The following LRRC37A2 variants were observed in gnomAD, a reference collection of about 807,000 sequenced individuals.
LRRC37A2 encodes the protein leucine-rich repeat-containing protein 37A2.
LRRC37A2 carries 9 observed loss-of-function variants against 68.8 expected under a neutral mutation model. That is an observed-to-expected ratio of 0.13 (90% CI 0.08 to 0.23). LRRC37A2 has a LOEUF of 0.23. LRRC37A2 is among the 10% of genes least tolerant of loss of function. LRRC37A2 has a pLI of 1.00. For missense variants in LRRC37A2, 168 were observed against 950.4 expected, an observed-to-expected ratio of 0.18 and a Z score of 10.82; for synonymous variants, 63 against 367.6, an observed-to-expected ratio of 0.17 and a Z score of 9.48.
the LRRC37A2 span, among the ~76,000 whole-genome samples, chr17:46,740,415 G>A: frequency 6.6e-6 from 1 of 152,148 alleles, no homozygotes; most frequent in African/African-American, 2.4e-5. Context: ...AAAAATCACA[G>A]AGGTAAAAAT....
the LRRC37A2 span, among the ~76,000 whole-genome samples, chr17:46,904,321 TGGGTGGATGGATG>T: frequency 6.8e-6 from 1 of 146,218 alleles, no homozygotes; most frequent in East Asian, 2.1e-4. Flanking sequence ...GATAGGTAGA[TGGGTGGATGGATG>T]GGGTGGATGG....
chr17:46,814,733 G>A, the LRRC37A2 span, among the ~76,000 whole-genome samples: 2 of 152,188 alleles, frequency 1.3e-5, no homozygotes, highest in African/African-American at 2.4e-5. Context: ...CAGTCTCCAG[G>A]TGCCTCCCTG....
At chr17:46,768,151 C>T in the LRRC37A2 span, among the ~76,000 whole-genome samples, 7 of 152,184 alleles carry the variant, frequency 4.6e-5, no homozygotes, top group African/African-American at 1.2e-4. The surrounding 1 kb of genome is among the most constrained non-coding windows in gnomAD (Gnocchi z 5.0). Flanking sequence ...ACCATTCCCA[C>T]GGATGCTTGA....
At chr17:46,950,652 G>T in the LRRC37A2 span, among the ~76,000 whole-genome samples, 2 of 152,148 alleles carry the variant, frequency 1.3e-5, no homozygotes, top group African/African-American at 2.4e-5. Flanking sequence ...AGCAAGGGCT[G>T]ACAGGATGGG....
At chr17:46,600,019 G>A in the LRRC37A2 span, among the ~76,000 whole-genome samples, 5 of 53,804 alleles carry the variant, frequency 9.3e-5, no homozygotes, top group Non-Finnish European at 1.6e-4. Flanking sequence ...GTGCAGTGGC[G>A]CAGTCATAGC....
chr17:46,532,158 C>G lies in LRRC37A2; in HGVS notation c.2907-8018C>G, dbSNP rs947287429. 1.0e-4 allele frequency among the ~76,000 whole-genome samples: 15 copies of G among 149,490 alleles called. 1 individual carries two copies. Among genetic ancestry groups the G allele is most frequent in the Non-Finnish European group, 2.9e-5 (2 of 67,896 alleles). On this transcript the variant is annotated intron_variant, in intron 6 of 14. Transcript: ENST00000576629. Reference sequence around the variant, plus strand: ...AGATGATCCACCTGCTTCAGCCTCCCAAAATGCTGGGATTACAGGCATGAG... The same window carrying G: ...AGATGATCCACCTGCTTCAGCCTCCGAAAATGCTGGGATTACAGGCATGAG...
the LRRC37A2 span, among the ~76,000 whole-genome samples, chr17:46,867,383 C>T: frequency 6.6e-6 from 1 of 152,250 alleles, no homozygotes; most frequent in Admixed American, 6.5e-5. Context: ...TGGCTCCAGC[C>T]ATCCCCTCTC....
the LRRC37A2 span, among the ~76,000 whole-genome samples, chr17:46,775,572 GC>G: frequency 6.6e-6 from 1 of 150,864 alleles, no homozygotes; most frequent in East Asian, 1.9e-4. Context: ...TAAGCACTGA[GC>G]TTTTTCTAAA....
the LRRC37A2 span, among the ~76,000 whole-genome samples, chr17:46,840,323 T>A: frequency 2.2e-3 from 329 of 152,270 alleles, 1 homozygote; most frequent in Non-Finnish European, 2.9e-3. Flanking sequence ...CCTGACCTCA[T>A]GATCCACCCG....
At chr17:46,783,968 C>T in the LRRC37A2 span, among the ~76,000 whole-genome samples, 3 of 152,164 alleles carry the variant, frequency 2.0e-5, no homozygotes, top group Admixed American at 6.5e-5. Context: ...GCTGGGAAAG[C>T]GGCTGGGAGG....
the LRRC37A2 span, among the ~76,000 whole-genome samples, chr17:46,766,766 G>C: frequency 3.3e-5 from 5 of 152,124 alleles, no homozygotes; most frequent in African/African-American, 1.2e-4. Context: ...TGTGCCAGTA[G>C]CTCAGAGGTG....
the LRRC37A2 span, among the ~76,000 whole-genome samples, chr17:46,945,346 T>A: frequency 6.6e-6 from 1 of 152,140 alleles, no homozygotes; most frequent in Non-Finnish European, 1.5e-5. Context: ...GCTGTCAGGC[T>A]GGTGTGGGTG....
At chr17:47,046,211 G>A in the LRRC37A2 span, among the ~76,000 whole-genome samples, 1 of 137,622 alleles carries the variant, frequency 7.3e-6, no homozygotes, top group Non-Finnish European at 1.6e-5. Context: ...GGGCATGGTG[G>A]TGCAAGCCTA....
chr17:46,496,647 G>A, the LRRC37A2 span, among the ~76,000 whole-genome samples: 1 of 135,440 alleles, frequency 7.4e-6, no homozygotes, highest in Non-Finnish European at 1.6e-5. Flanking sequence ...TGGTGCAGTG[G>A]CTCATGCCTG....
At chr17:46,980,647 CCT>C in the LRRC37A2 span, among the ~76,000 whole-genome samples, 1 of 110,718 alleles carries the variant, frequency 9.0e-6, no homozygotes, top group Non-Finnish European at 2.1e-5. Flanking sequence ...ACCGTGAAAC[CCT>C]GTCTCTACTA....
chr17:46,930,228 C>T, the LRRC37A2 span: 25 of 152,798 alleles, frequency 1.6e-4, no homozygotes, highest in African/African-American at 6.0e-4. Flanking sequence ...CTGTGCCCCA[C>T]CTTGTTCTAA....
chr17:46,989,361 G>A, the LRRC37A2 span, among the ~76,000 whole-genome samples: 1 of 152,198 alleles, frequency 6.6e-6, no homozygotes, highest in African/African-American at 2.4e-5. Context: ...GAATTGTAAA[G>A]ACATCTTGCC....
the LRRC37A2 span, among the ~76,000 whole-genome samples, chr17:46,779,120 C>T: frequency 6.7e-6 from 1 of 148,590 alleles, no homozygotes; most frequent in Non-Finnish European, 1.5e-5. Context: ...CCCACTCGGC[C>T]TTCCAAAGGG....
chr17:46,850,008 C>T, the LRRC37A2 span, among the ~76,000 whole-genome samples: 29,857 of 152,032 alleles, frequency 0.2, 3,598 homozygotes, highest in East Asian at 0.5. Context: ...CTGCCACACC[C>T]GGCTAATGTC....
Sources: allele counts gnomAD v4.1 joint callset (sites outside exome capture counted in the v4.1 genomes callset), GRCh38; gene constraint gnomAD v4.1.1; non-coding constraint Gnocchi (gnomAD v3.1); transcripts MANE v1.5; gene names NCBI Gene and HGNC (gene_info 2026-07-23, HGNC 2026-07-21).